FBXL18: variants seen among roughly 807,000 people sequenced by gnomAD.
FBXL18 encodes the protein F-box and leucine rich repeat protein 18.
FBXL18 carries 36 observed loss-of-function variants against 46.0 expected under a neutral mutation model. The ratio of observed to expected loss-of-function variants is 0.78; its 90% CI spans 0.60 to 1.03. The LOEUF (loss-of-function observed/expected upper bound fraction) is 1.03. FBXL18 is among the 50% of genes least tolerant of loss of function. The probability of loss-of-function intolerance (pLI) is 0.00; values close to 1 mark genes in which losing one functional copy is unlikely to be tolerated. For missense variants in FBXL18, 977 were observed against 1,004.1 expected (o/e 0.97, Z 0.36); for synonymous variants, 557 against 465.3 (o/e 1.20, Z -2.54).
At chr7:5,511,911 A>G (rs887938501) in intron 1 of FBXL18, among the ~76,000 whole-genome samples, 1 of 151,956 alleles carries the variant, frequency 6.6e-6, no homozygotes, top group Non-Finnish European at 1.5e-5. Context: ...GTCACACCTC[A>G]TCTCTAAAAA....
intron 4 of FBXL18, among the ~76,000 whole-genome samples, chr7:5,463,728 A>ATTT (rs552002078): frequency 1.9e-4 from 10 of 53,008 alleles, no homozygotes; most frequent in Non-Finnish European, 3.0e-4. Flanking sequence ...TTATTTATTT[A>ATTT]TTTTTTTTTT....
intron 4 of FBXL18, among the ~76,000 whole-genome samples, chr7:5,469,560 G>C (rs1783396402): frequency 6.6e-6 from 1 of 151,528 alleles, no homozygotes; most frequent in Non-Finnish European, 1.5e-5. Flanking sequence ...GTGTGGGGGG[G>C]GTGTACGTGC....
intron 3 of FBXL18, among the ~76,000 whole-genome samples, chr7:5,495,507 C>G (rs548985999): frequency 6.6e-6 from 1 of 152,294 alleles, no homozygotes; most frequent in African/African-American, 2.4e-5. Flanking sequence ...GAGGTGTGTC[C>G]AAGTCCCAGC....
intron 4 of FBXL18, among the ~76,000 whole-genome samples, chr7:5,487,226 C>T (rs1783799200): frequency 2.6e-5 from 4 of 152,272 alleles, no homozygotes; most frequent in Admixed American, 2.6e-4. Flanking sequence ...CTGCCGTGAC[C>T]GGGGCCGGCG....
rs1411569844 is a variant in FBXL18, at chr7:5,492,320, G to A, written c.1782-871C>T. Among the ~76,000 whole-genome samples, 14 of 151,666 alleles carry A rather than the reference G, an allele frequency of 9.2e-5. No homozygotes were observed. In the Admixed American group the frequency reaches 9.2e-4, roughly 10 times the overall value. On this transcript the variant is annotated intron_variant, in intron 3 of 4. Transcript: ENST00000382368. ...GCGCTGCTGAGGACAGGCCCGGGGG[G>A]CCCTTGGAGAACCAGGCTGTGGGAC... is the stretch of plus-strand genomic sequence containing the variant.
chr7:5,467,288 T>C (rs958321841), intron 4 of FBXL18, among the ~76,000 whole-genome samples: 11 of 152,026 alleles, frequency 7.2e-5, no homozygotes, highest in Non-Finnish European at 1.2e-4. Flanking sequence ...GAGGCGGAGC[T>C]TGCAGTGAGC....
At chr7:5,475,446 C>T (rs1402198385), downstream of FBXL18, among the ~76,000 whole-genome samples, 1 of 152,238 alleles carries the variant, frequency 6.6e-6, no homozygotes, top group South Asian at 2.1e-4. This position sits in a 1 kb window ranked among gnomAD's most constrained non-coding sequence, Gnocchi z 4.2. Flanking sequence ...TGAGCTGCCA[C>T]CAGACCACAG....
At chr7:5,502,196 G>C (rs565549654) in intron 2 of FBXL18, among the ~76,000 whole-genome samples, 165 bp from the exon 3 acceptor site, 1 of 152,178 alleles carries the variant, frequency 6.6e-6, no homozygotes, top group Non-Finnish European at 1.5e-5. Flanking sequence ...GGAGCCAAGA[G>C]TCCCCAGCTA....
chr7:5,493,722 C>T (rs1783995390), intron 3 of FBXL18, among the ~76,000 whole-genome samples: 1 of 150,632 alleles, frequency 6.6e-6, no homozygotes, highest in Non-Finnish European at 1.5e-5. Context: ...ACTATGTTGC[C>T]CAGGCTGGTC....
In FBXL18 at chr7:5,487,119, A is replaced by AC. The variant is rs550382131; in HGVS notation, c.2000+4111dup. ...GGCCAGAGCTGCAGGGCTGACACTG[A>AC]CCCCTAGGCCCACACAGGTGCCCTG... On this transcript the variant is annotated intron_variant, in intron 4 of 4. Coordinates refer to ENST00000382368, the MANE Select transcript of FBXL18 (RefSeq NM_024963.6). 1.1e-4 allele frequency among the ~76,000 whole-genome samples: 17 copies of AC among 152,148 alleles called. No homozygotes were observed. In the East Asian group the frequency reaches 2.9e-3, roughly 26 times the overall value.
intron 4 of FBXL18, among the ~76,000 whole-genome samples, chr7:5,484,125 A>T (rs1783714301): frequency 1.3e-5 from 2 of 152,036 alleles, no homozygotes; most frequent in South Asian, 4.1e-4. Flanking sequence ...CATGTACTTG[A>T]TTTGCATCAA....
At chr7:5,470,707 AGATGTCCCCTTCCC>A (rs1584189446) in intron 4 of FBXL18, among the ~76,000 whole-genome samples, 3 of 2,508 alleles carry the variant, frequency 1.2e-3, no homozygotes, top group South Asian at 0.029. Context: ...CCCGGGGGGG[AGATGTCCCCTTCCC>A]GGGGGGGAGA....
intron 4 of FBXL18, among the ~76,000 whole-genome samples, chr7:5,470,474 A>C (rs1199016913): frequency 6.6e-6 from 1 of 152,138 alleles, no homozygotes; most frequent in East Asian, 1.9e-4. Context: ...ACGAAACCCG[A>C]GAGCCAGGAA....
Position 5,454,875 on chromosome 7 carries a change from TGA to T in FBXL18, c.2001-7034_2001-7033del, listed in dbSNP as rs1783150880. Among the ~76,000 whole-genome samples, 3 of 152,330 alleles carry T rather than the reference TGA, an allele frequency of 2.0e-5. No individual in the cohort carries two copies. The South Asian group carries it at 6.2e-4, about 32-fold the overall frequency. ...CGCAGATGGCCACCCGAGCTGCCAGTGAGAGAGGACGCGCTGCTTGGCTAAGC... is the reference window on the plus strand; with the variant it reads ...CGCAGATGGCCACCCGAGCTGCCAGTGAGAGGACGCGCTGCTTGGCTAAGC... On this transcript the variant is annotated intron_variant and NMD_transcript_variant, in intron 4 of 6. Coordinates refer to the FBXL18 transcript ENST00000415009.
intron 1 of FBXL18, among the ~76,000 whole-genome samples, chr7:5,507,248 G>C (rs1390270040): frequency 2.0e-5 from 3 of 152,160 alleles, no homozygotes; most frequent in Non-Finnish European, 4.4e-5. Context: ...CATGGAGGAA[G>C]AGCCTATCTG....
At chr7:5,504,340 G>A (rs1200074989) in intron 2 of FBXL18, among the ~76,000 whole-genome samples, 1 of 150,906 alleles carries the variant, frequency 6.6e-6, no homozygotes, top group Non-Finnish European at 1.5e-5. Flanking sequence ...TGACCCAGGA[G>A]AATCATTTAA....
At chr7:5,505,340 G>T in intron 2 of FBXL18, 72 bp downstream of exon 2, 1 of 1,380,860 alleles carries the variant, frequency 7.2e-7, no homozygotes, top group Non-Finnish European at 1.0e-6. Flanking sequence ...GGGTTCCACT[G>T]CAGGGCTGTG....
chr7:5,458,650 T>C (rs757711770), intron 4 of FBXL18, among the ~76,000 whole-genome samples: 1 of 151,408 alleles, frequency 6.6e-6, no homozygotes, highest in Non-Finnish European at 1.5e-5. Context: ...TGAGCCAAGA[T>C]TGCGCCACTG....
At chr7:5,510,874 G>C (rs1201875656) in intron 1 of FBXL18, among the ~76,000 whole-genome samples, 2 of 152,094 alleles carry the variant, frequency 1.3e-5, no homozygotes, top group Non-Finnish European at 2.9e-5. Context: ...TCCAATTCTG[G>C]TGTGAGTGGC....
Sources: gnomAD v4.1 joint callset for allele counts (sites outside exome capture counted in the v4.1 genomes callset) on GRCh38, gnomAD v4.1.1 for gene constraint, Gnocchi (gnomAD v3.1) non-coding constraint, MANE v1.5 for transcripts, NCBI Gene and HGNC (gene_info 2026-07-23, HGNC 2026-07-21) for gene names.